KLF12: variants seen among roughly 807,000 people sequenced by gnomAD.
KLF12 encodes Krueppel-like factor 12.
In KLF12, 9 loss-of-function variants were observed where a neutral mutation model predicts 37.8. The observed-to-expected ratio is 0.24, with a 90% CI of 0.14 to 0.42. KLF12 has a LOEUF of 0.42. KLF12 is among the 10% of genes least tolerant of loss of function. The probability of loss-of-function intolerance (pLI) is 1.00; values close to 1 mark genes in which losing one functional copy is unlikely to be tolerated. For missense variants in KLF12, 411 were observed against 516.0 expected, an observed-to-expected ratio of 0.80 and a Z score of 1.97; for synonymous variants, 208 against 202.1, an observed-to-expected ratio of 1.03 and a Z score of -0.25.
the KLF12 span, among the ~76,000 whole-genome samples, chr13:74,266,858 GA>G: frequency 6.6e-6 from 1 of 152,182 alleles, no homozygotes; most frequent in African/African-American, 2.4e-5. Flanking sequence ...AAAACCAGTG[GA>G]CCAGTGGGTA....
chr13:74,252,584 G>A, the KLF12 span, among the ~76,000 whole-genome samples: 6 of 152,272 alleles, frequency 3.9e-5, no homozygotes, highest in East Asian at 1.2e-3. Flanking sequence ...AACTAAAGCT[G>A]CCATAATTCT....
chr13:73,810,081 C>CA (rs1386414553), intron 5 of KLF12, among the ~76,000 whole-genome samples: 1 of 151,962 alleles, frequency 6.6e-6, no homozygotes, highest in African/African-American at 2.4e-5. Flanking sequence ...TCTGTCTCTA[C>CA]AAAAAATACA....
At chr13:73,987,849 G>A (rs1253650615) in intron 2 of KLF12, among the ~76,000 whole-genome samples, 1 of 151,346 alleles carries the variant, frequency 6.6e-6, no homozygotes, top group Admixed American at 6.6e-5. Flanking sequence ...AGTGGGGGAA[G>A]AGGAAAGAGG....
intron 1 of KLF12, among the ~76,000 whole-genome samples, chr13:74,076,854 T>C (rs1874592987): frequency 6.6e-6 from 1 of 152,128 alleles, no homozygotes; most frequent in South Asian, 2.1e-4. Flanking sequence ...TGTTCATGTG[T>C]TTTCATCATT....
At chr13:74,242,994 G>T in the KLF12 span, among the ~76,000 whole-genome samples, 24 of 152,262 alleles carry the variant, frequency 1.6e-4, no homozygotes, top group Non-Finnish European at 2.6e-4. Context: ...GAACGTGCAG[G>T]ATTGTTACAT....
intron 3 of KLF12, among the ~76,000 whole-genome samples, chr13:73,903,864 G>T (rs1364358896): frequency 2.0e-5 from 3 of 152,150 alleles, no homozygotes; most frequent in African/African-American, 7.2e-5. Flanking sequence ...GCATGTGAGG[G>T]ATCTAGGTTG....
chr13:73,716,399 T>G (rs1875811152), intron 6 of KLF12, among the ~76,000 whole-genome samples: 1 of 152,232 alleles, frequency 6.6e-6, no homozygotes, highest in Non-Finnish European at 1.5e-5. Context: ...CACTCATATT[T>G]CTACTCTACA....
chr13:74,058,426 G>A (rs1236915861), intron 1 of KLF12, among the ~76,000 whole-genome samples: 6 of 144,408 alleles, frequency 4.2e-5, no homozygotes, highest in Admixed American at 2.9e-4. Context: ...GCATCATCTC[G>A]GCTCACTGCA....
At chr13:74,134,820 C>T (rs1266678486), upstream of KLF12, among the ~76,000 whole-genome samples, 1 of 151,896 alleles carries the variant, frequency 6.6e-6, no homozygotes, top group African/African-American at 2.4e-5. Context: ...GTGCAGCCCG[C>T]TTGGGCCCCC....
rs546348045 is a variant in KLF12 at position 73,825,834 on chromosome 13, A to G, written c.671-12547T>C. On this transcript the variant is annotated intron_variant, in intron 4 of 7. Transcript: ENST00000377669. Reference sequence around the variant, plus strand: ...CCACTCTAAGCACCTGCTGTCCCTGAGGCTAGCTGAGATCTGAGATCCAGG... The same window carrying G: ...CCACTCTAAGCACCTGCTGTCCCTGGGGCTAGCTGAGATCTGAGATCCAGG... 8.3e-4 allele frequency among the ~76,000 whole-genome samples: 126 copies of G among 152,320 alleles called. 2 individuals carry two copies. The South Asian group carries it at 0.02, about 24-fold the overall frequency.
chr13:73,830,651 G>A (rs2138577174), intron 4 of KLF12, among the ~76,000 whole-genome samples: 1 of 152,242 alleles, frequency 6.6e-6, no homozygotes, highest in Admixed American at 6.5e-5. Flanking sequence ...TGTTGGCCGT[G>A]TCTTTATTTT....
the KLF12 span, among the ~76,000 whole-genome samples, chr13:74,299,125 C>T: frequency 6.6e-6 from 1 of 152,164 alleles, no homozygotes. Flanking sequence ...TATGCAAAGG[C>T]CCTGAGGCTG....
At chr13:74,132,265 T>G (rs1302790770) in intron 1 of KLF12, among the ~76,000 whole-genome samples, 1 of 152,182 alleles carries the variant, frequency 6.6e-6, no homozygotes, top group African/African-American at 2.4e-5. Context: ...CAAATTTATT[T>G]CAAAGCATTT....
the KLF12 span, among the ~76,000 whole-genome samples, chr13:74,161,005 C>G: frequency 6.6e-6 from 1 of 151,512 alleles, no homozygotes; most frequent in Non-Finnish European, 1.5e-5. Context: ...GCTGTTCATG[C>G]AGGAGGTGTC....
chr13:74,181,717 A>C, the KLF12 span, among the ~76,000 whole-genome samples: 12 of 151,716 alleles, frequency 7.9e-5, no homozygotes, highest in African/African-American at 2.7e-4. Flanking sequence ...AAAAACAAAA[A>C]AAAAAAAAAA....
chr13:73,851,438 T>C (rs894732045), intron 3 of KLF12, among the ~76,000 whole-genome samples: 11 of 152,330 alleles, frequency 7.2e-5, no homozygotes, highest in East Asian at 5.8e-4. Context: ...TACTTTTTTT[T>C]CCTCTACTTT....
chr13:73,929,363 C>A (rs1486668048), intron 3 of KLF12, among the ~76,000 whole-genome samples: 3 of 152,130 alleles, frequency 2.0e-5, no homozygotes, highest in African/African-American at 7.2e-5. Context: ...ATTATAATCC[C>A]CATTTTACAG....
chr13:74,047,600 T>TA (rs10594023), intron 1 of KLF12, among the ~76,000 whole-genome samples: 70 of 146,378 alleles, frequency 4.8e-4, no homozygotes, highest in Admixed American at 1.5e-3. Context: ...CCATCTCAAA[T>TA]AAAAAAAAAA....
rs1353001163 is a variant in KLF12 at position 73,687,692 on chromosome 13, ATCC to A, written c.*7795_*7797del. 32 of 152,156 alleles carry A rather than the reference ATCC, an allele frequency of 2.1e-4. No individual in the cohort carries two copies. The highest frequency in any genetic ancestry group is 6.5e-5 in the Admixed American group (1 of 15,270). 9.4% of individuals were successfully genotyped at this position (152,156 alleles called of 1,614,324 possible). A position where few individuals can be genotyped will look rare whatever the true frequency, so the allele number is the denominator to read the frequency against. ...ATCACTAGATTTGGATCCAAATTCTATCCTCCTATTAACCCTTACTTCTCAACA... is the reference window on the plus strand; with the variant it reads ...ATCACTAGATTTGGATCCAAATTCTATCCTATTAACCCTTACTTCTCAACA... On this transcript the variant is annotated 3_prime_UTR_variant, in exon 8 of 8. Transcript: ENST00000377669.
Sources: allele counts gnomAD v4.1 joint callset (sites outside exome capture counted in the v4.1 genomes callset), GRCh38; gene constraint gnomAD v4.1.1; transcripts MANE v1.5; gene names NCBI Gene and HGNC (gene_info 2026-07-23, HGNC 2026-07-21).